The following MYO3A variants were observed in gnomAD, a reference collection of about 807,000 sequenced individuals.
MYO3A encodes the protein myosin-IIIa.
In MYO3A, 180 loss-of-function variants were observed where a neutral mutation model predicts 192.7. That is an observed-to-expected ratio of 0.93 (90% CI 0.83 to 1.06). The LOEUF (loss-of-function observed/expected upper bound fraction) is 1.06. Ranked by LOEUF, MYO3A falls within the 50% of genes least tolerant of loss-of-function variation. MYO3A has a pLI of 0.00. For missense variants in MYO3A, 1,896 were observed against 1,905.0 expected, an observed-to-expected ratio of 1.00 and a Z score of 0.09; for synonymous variants, 628 against 645.3, an observed-to-expected ratio of 0.97 and a Z score of 0.41.
Position 25,952,253 on chromosome 10 carries a change from C to A in MYO3A, c.143C>A (p.Ala48Glu). ...VLNKKNGQKA[A>E]VKILDPIHDI... ...AATAAGAAAAATGGCCAAAAAGCAG[C>A]AGTCAAAATTCTTGATCCAATTCAC... The change falls in exon 3 of 35, where the codon GCA becomes GAA. Residue 48 changes from alanine to glutamate, a missense_variant. Ala to Glu is a moderately radical substitution (Grantham distance 107, BLOSUM62 -1). Transcript: ENST00000642920. The A allele has an allele frequency of 1.2e-6, 2 of 1,612,498 alleles. No homozygotes were observed. Among genetic ancestry groups the A allele is most frequent in the Non-Finnish European group, 1.7e-6 (2 of 1,179,096 alleles).
chr10:26,201,409 G>A (rs1459676147), intron 33 of MYO3A, 104 bp downstream of exon 33: 11 of 779,410 alleles, frequency 1.4e-5, no homozygotes, highest in Middle Eastern at 4.2e-4. Flanking sequence ...GGCCAGGCGC[G>A]GTGGCTCACG....
intron 2 of MYO3A, among the ~76,000 whole-genome samples, chr10:25,947,910 G>A (rs1427847151): frequency 6.6e-6 from 1 of 152,194 alleles, no homozygotes; most frequent in Non-Finnish European, 1.5e-5. Flanking sequence ...CATTCTGGTA[G>A]TGGAGAAAAC....
At position 26,174,270 on chromosome 10, in the gene MYO3A, G is replaced by A. The variant is rs746862357; in HGVS notation, c.4006G>A (p.Val1336Ile). 6.2e-7 allele frequency: 1 copy of A among 1,614,044 alleles called. No individual in the cohort carries two copies. The highest frequency in any genetic ancestry group is 1.1e-5 in the South Asian group (1 of 91,052). The part of the protein sequence containing the change: ...LRHETVKERQ[V>I]EPVTQAQEEE... ...GCATGAGACAGTCAAAGAGAGGCAA[G>A]TTGAACCAGTGACACAGGCCCAGGA... The change falls in exon 30 of 35, where the codon GTT becomes ATT. Residue 1336 changes from valine to isoleucine, a missense_variant. Physicochemically the swap from Val to Ile is conservative, Grantham distance 29. Transcript: ENST00000642920.
chr10:26,147,816 A>G (rs1266583865), intron 23 of MYO3A, among the ~76,000 whole-genome samples: 1 of 152,198 alleles, frequency 6.6e-6, no homozygotes, highest in Admixed American at 6.5e-5. Context: ...GCTACTCACT[A>G]CAAGAGTATA....
At chr10:25,985,057 G>A (rs773823851) in intron 4 of MYO3A, among the ~76,000 whole-genome samples, 5 of 152,012 alleles carry the variant, frequency 3.3e-5, no homozygotes, top group Admixed American at 6.6e-5. Flanking sequence ...GGGCAACACA[G>A]TGAAACCACG....
At position 25,952,025 on chromosome 10, in the gene MYO3A, C is replaced by T; in HGVS notation, c.-17-69C>T. The T allele has an allele frequency of 3.4e-6, 4 of 1,183,862 alleles. No homozygotes were observed. In the South Asian group the frequency reaches 3.9e-5, roughly 12 times the overall value. The allele number at this position is 1,183,862 out of a possible 1,614,324, so 73.3% of individuals were successfully genotyped here. On this transcript the variant is annotated intron_variant, in intron 2 of 34. Transcript: ENST00000642920. ...ATCAGTGAAAATATTCGCTAATTTCCCATGGGTTTGTGTGTGCCATTTGAT... is the reference window on the plus strand; with the variant it reads ...ATCAGTGAAAATATTCGCTAATTTCTCATGGGTTTGTGTGTGCCATTTGAT...
intron 10 of MYO3A, among the ~76,000 whole-genome samples, chr10:26,063,629 A>G (rs555213561): frequency 3.3e-5 from 5 of 152,348 alleles, no homozygotes; most frequent in Non-Finnish European, 5.9e-5. Flanking sequence ...CTGAAATGAC[A>G]TTTAACTAAG....
intron 4 of MYO3A, among the ~76,000 whole-genome samples, chr10:25,970,352 T>C (rs550551638): frequency 4.3e-4 from 65 of 151,980 alleles, no homozygotes; most frequent in African/African-American, 1.5e-3. Context: ...AAACTTTAGG[T>C]CAGAGAGGAA....
At chr10:26,089,974 A>G (rs1351730761) in intron 15 of MYO3A, among the ~76,000 whole-genome samples, 1 of 152,220 alleles carries the variant, frequency 6.6e-6, no homozygotes, top group African/African-American at 2.4e-5. Flanking sequence ...TGTTCAGTAA[A>G]TGGCAGATAC....
At chr10:26,076,614 T>G (rs1247059215) in intron 14 of MYO3A, among the ~76,000 whole-genome samples, 1 of 152,190 alleles carries the variant, frequency 6.6e-6, no homozygotes, top group South Asian at 2.1e-4. Context: ...TGTTACCTTC[T>G]AGAATTTTTA....
chr10:26,170,520 A>C lies in MYO3A; in HGVS notation c.3379A>C (p.Lys1127Gln). The C allele has an allele frequency of 6.2e-7, 1 of 1,611,838 alleles. No individual in the cohort carries two copies. The change falls in exon 29 of 35, where the codon AAA (lysine) becomes CAA (glutamine). Residue 1127 changes from lysine (K) to glutamine (Q), a missense_variant. Lys to Gln is a moderately conservative substitution (Grantham distance 53). Coordinates refer to ENST00000642920, the MANE Select transcript of MYO3A (RefSeq NM_017433.5). ...TTCTGATCAGGAATTCGACTACAAG[A>C]AAAACTTTGAAAATACAAGGTATAA... Reference protein sequence around the residue: ...QTSDQEFDYKKNFENTRESFV... With the variant: ...QTSDQEFDYKQNFENTRESFV...
intron 23 of MYO3A, among the ~76,000 whole-genome samples, chr10:26,148,885 C>T (rs1456490323): frequency 6.6e-6 from 1 of 151,908 alleles, no homozygotes; most frequent in Non-Finnish European, 1.5e-5. Flanking sequence ...TTGTTAATTC[C>T]AAAGGATTTT....
At chr10:26,201,913 T>C (rs1843693802) in intron 33 of MYO3A, among the ~76,000 whole-genome samples, 1 of 152,200 alleles carries the variant, frequency 6.6e-6, no homozygotes, top group African/African-American at 2.4e-5. Context: ...ATGGTTTTGC[T>C]TGGGCAATTT....
chr10:26,010,451 T>C (rs12780369), intron 6 of MYO3A, among the ~76,000 whole-genome samples: 81 of 79,188 alleles, frequency 1.0e-3, no homozygotes, highest in African/African-American at 4.2e-3. Context: ...TAAGTAGTTG[T>C]TTTTTTTTTT....
chr10:25,992,235 T>C (rs1840083159), intron 4 of MYO3A, among the ~76,000 whole-genome samples: 1 of 152,232 alleles, frequency 6.6e-6, no homozygotes, highest in Non-Finnish European at 1.5e-5. Flanking sequence ...TTCACATCCC[T>C]TGTAAGTTGG....
intron 10 of MYO3A, among the ~76,000 whole-genome samples, chr10:26,044,885 C>A (rs1843549580): frequency 6.6e-6 from 1 of 152,226 alleles, no homozygotes; most frequent in Non-Finnish European, 1.5e-5. Flanking sequence ...GAATATAACA[C>A]ATAACAAACA....
intron 7 of MYO3A, among the ~76,000 whole-genome samples, chr10:26,019,445 A>G (rs2089657652): frequency 6.6e-6 from 1 of 151,708 alleles, no homozygotes; most frequent in Admixed American, 6.6e-5. Flanking sequence ...TTTTTAGTAG[A>G]GACTGGAACT....
At chr10:26,193,709 A>T (rs1843264273) in intron 32 of MYO3A, among the ~76,000 whole-genome samples, 1 of 152,190 alleles carries the variant, frequency 6.6e-6, no homozygotes, top group Admixed American at 6.5e-5. Context: ...GACGTTTATT[A>T]AGCATCTTTT....
chr10:25,978,206 T>G (rs751404160), intron 4 of MYO3A, among the ~76,000 whole-genome samples: 1 of 152,216 alleles, frequency 6.6e-6, no homozygotes, highest in South Asian at 2.1e-4. Context: ...TCTTTTGTCT[T>G]GAAAAATTAA....
Sources: gnomAD v4.1 joint callset for allele counts (sites outside exome capture counted in the v4.1 genomes callset) on GRCh38, gnomAD v4.1.1 for gene constraint, MANE v1.5 for transcripts, NCBI Gene and HGNC (gene_info 2026-07-23, HGNC 2026-07-21) for gene names.